RBFOX1: variants seen among roughly 807,000 people sequenced by gnomAD.
The protein encoded by RBFOX1 is RNA binding fox-1 homolog 1.
Under a neutral mutation model 57.7 loss-of-function variants are expected in RBFOX1, and 8 were observed. That is an observed-to-expected ratio of 0.14 (90% CI 0.08 to 0.25). The LOEUF is 0.25. Ranked by LOEUF, RBFOX1 falls within the 10% of genes least tolerant of loss-of-function variation. The pLI, the probability that RBFOX1 is intolerant of heterozygous loss-of-function variation, is 1.00. For synonymous variants in RBFOX1, 326 were observed against 222.4 expected, an observed-to-expected ratio of 1.47 and a Z score of -4.15; for missense variants, 611 against 548.5, an observed-to-expected ratio of 1.11 and a Z score of -1.14.
At chr16:7,169,416 C>T (rs540845916) in intron 4 of RBFOX1, among the ~76,000 whole-genome samples, 5 of 152,278 alleles carry the variant, frequency 3.3e-5, no homozygotes, top group African/African-American at 9.6e-5. Flanking sequence ...TGCATTTGCA[C>T]GATGTTTAAC....
chr16:6,843,416 T>A (rs547729608), intron 3 of RBFOX1, among the ~76,000 whole-genome samples: 1 of 152,242 alleles, frequency 6.6e-6, no homozygotes, highest in South Asian at 2.1e-4. Flanking sequence ...TGGCCAGACA[T>A]GGTGGCTTAC....
chr16:7,694,498 A>G (rs987673663), intron 14 of RBFOX1, among the ~76,000 whole-genome samples: 4 of 152,238 alleles, frequency 2.6e-5, no homozygotes, highest in African/African-American at 9.6e-5. Context: ...AACGGGTTAA[A>G]GTCTTACCTG....
At chr16:7,115,868 C>T (rs1437112896) in intron 4 of RBFOX1, among the ~76,000 whole-genome samples, 4 of 152,318 alleles carry the variant, frequency 2.6e-5, no homozygotes, top group East Asian at 1.9e-4. Context: ...TAAATGCCTA[C>T]GCTGGGGAGC....
intron 2 of RBFOX1, among the ~76,000 whole-genome samples, chr16:6,475,585 C>T (rs2095259852): frequency 6.6e-6 from 1 of 152,134 alleles, no homozygotes; most frequent in African/African-American, 2.4e-5. Context: ...ACCACAAGTC[C>T]ACTATAAATC....
rs141679820 is a variant in RBFOX1 at position 7,476,598 on chromosome 16, G to A, written c.28-41549G>A. Among the ~76,000 whole-genome samples the A allele has an allele frequency of 4.9e-3, 742 of 152,272 alleles. 2 individuals are homozygous for A. Among genetic ancestry groups the A allele is most frequent in the Middle Eastern group, 0.017 (5 of 294 alleles). Reference sequence around the variant, plus strand: ...TAGGGGGCTAAATGAGTAACATTCTGAAATGAAGTCTTCGGCATCTCCAAG... The same window carrying A: ...TAGGGGGCTAAATGAGTAACATTCTAAAATGAAGTCTTCGGCATCTCCAAG... On this transcript the variant is annotated intron_variant, in intron 4 of 15. Coordinates refer to ENST00000550418, the MANE Select transcript of RBFOX1 (RefSeq NM_018723.4).
intron 2 of RBFOX1, among the ~76,000 whole-genome samples, chr16:6,629,128 T>A (rs2098350286): frequency 6.6e-6 from 1 of 152,236 alleles, no homozygotes; most frequent in African/African-American, 2.4e-5. Context: ...GTGTACCTGG[T>A]TACATATATG....
intron 3 of RBFOX1, among the ~76,000 whole-genome samples, chr16:6,807,756 T>C (rs2154263457): frequency 6.6e-6 from 1 of 152,020 alleles, no homozygotes; most frequent in East Asian, 1.9e-4. Flanking sequence ...ATGGAGGTTG[T>C]AGTGAGCTAA....
chr16:7,125,054 T>C (rs1241487414), intron 4 of RBFOX1, among the ~76,000 whole-genome samples: 1 of 152,038 alleles, frequency 6.6e-6, no homozygotes, highest in East Asian at 1.9e-4. Context: ...ACATTGAGGT[T>C]TGGATGAAGA....
intron 3 of RBFOX1, among the ~76,000 whole-genome samples, chr16:6,658,086 G>C (rs755495462): frequency 3.4e-4 from 52 of 151,930 alleles, no homozygotes; most frequent in Non-Finnish European, 6.2e-4. Context: ...GTTTTCCATG[G>C]AGTCCTACGG....
intron 9 of RBFOX1, among the ~76,000 whole-genome samples, chr16:7,605,740 C>T (rs1377606324): frequency 6.6e-6 from 1 of 152,104 alleles, no homozygotes; most frequent in Non-Finnish European, 1.5e-5. Flanking sequence ...TAATCATTGC[C>T]TTCTCTCAAA....
chr16:7,677,382 A>G (rs1279825879), intron 14 of RBFOX1, among the ~76,000 whole-genome samples: 5 of 152,176 alleles, frequency 3.3e-5, no homozygotes, highest in African/African-American at 4.8e-5. Flanking sequence ...GATTCTTTCT[A>G]GCAATGCCCA....
Position 7,189,554 on chromosome 16 carries a change from AAC to A in RBFOX1, c.27+137488_27+137489del, listed in dbSNP as rs779531861. Among the ~76,000 whole-genome samples the A allele has an allele frequency of 8.1e-3, 1,101 of 135,474 alleles. 6 individuals are homozygous for A. The highest frequency in any genetic ancestry group is 0.024 in the South Asian group (106 of 4,358). 88.9% of individuals were successfully genotyped at this position (135,474 alleles called of 152,430 possible). ...CACTCCAAAACACTATGTCCCCCAAAACACACACACACACACACACACACACA... is the reference window on the plus strand; with the variant it reads ...CACTCCAAAACACTATGTCCCCCAAAACACACACACACACACACACACACA... On this transcript the variant is annotated intron_variant, in intron 4 of 15. Transcript: ENST00000550418.
chr16:5,944,987 A>AAAAT (rs1555453186), intron 4 of RBFOX1, among the ~76,000 whole-genome samples: 1 of 97,000 alleles, frequency 1.0e-5, no homozygotes, highest in Non-Finnish European at 2.2e-5. Flanking sequence ...AAAAAAAAAA[A>AAAAT]AGAGAGAGAG....
chr16:5,695,231 AT>A (rs1388158296), intron 3 of RBFOX1, among the ~76,000 whole-genome samples: 1 of 152,052 alleles, frequency 6.6e-6, no homozygotes, highest in Non-Finnish European at 1.5e-5. Context: ...TAATATTGAA[AT>A]TTTCAAACAT....
intron 3 of RBFOX1, among the ~76,000 whole-genome samples, chr16:7,019,899 C>A (rs921342275): frequency 6.6e-6 from 1 of 152,186 alleles, no homozygotes; most frequent in Non-Finnish European, 1.5e-5. Flanking sequence ...TCCAACTAAA[C>A]CCTGCTCTCT....
At chr16:5,509,553 G>C (rs2043504704) in intron 2 of RBFOX1, among the ~76,000 whole-genome samples, 1 of 152,316 alleles carries the variant, frequency 6.6e-6, no homozygotes, top group Non-Finnish European at 1.5e-5. Flanking sequence ...CGGCCCAGAG[G>C]GTGTAGGTGT....
chr16:5,470,185 C>T (rs543045970), intron 2 of RBFOX1, among the ~76,000 whole-genome samples: 13 of 152,338 alleles, frequency 8.5e-5, no homozygotes, highest in East Asian at 7.7e-4. Flanking sequence ...GGCCTTCACC[C>T]GTGTTTCCAC....
chr16:7,190,890 T>A (rs544045617), intron 4 of RBFOX1, among the ~76,000 whole-genome samples: 1 of 152,286 alleles, frequency 6.6e-6, no homozygotes, highest in South Asian at 2.1e-4. Flanking sequence ...GTTAACTGTT[T>A]AGAGAATCAT....
chr16:7,544,899 C>T (rs1261920056), intron 5 of RBFOX1, among the ~76,000 whole-genome samples: 1 of 152,188 alleles, frequency 6.6e-6, no homozygotes, highest in Non-Finnish European at 1.5e-5. Context: ...CACCATACTG[C>T]ATTTTGTTCA....
Sources: gnomAD v4.1 joint callset for allele counts (sites outside exome capture counted in the v4.1 genomes callset) on GRCh38, gnomAD v4.1.1 for gene constraint, MANE v1.5 for transcripts, NCBI Gene and HGNC (gene_info 2026-07-23, HGNC 2026-07-21) for gene names.